GOLGA4: variants seen among roughly 807,000 people sequenced by gnomAD.
GOLGA4 encodes the protein golgin subfamily A member 4.
GOLGA4 carries 169 observed loss-of-function variants against 265.9 expected under a neutral mutation model. The ratio of observed to expected loss-of-function variants is 0.64; its 90% CI spans 0.56 to 0.72. The LOEUF (loss-of-function observed/expected upper bound fraction) is 0.72. Ranked by LOEUF, GOLGA4 falls within the 30% of genes least tolerant of loss-of-function variation. GOLGA4 has a pLI of 0.00. For synonymous variants in GOLGA4, 923 were observed against 855.8 expected (o/e 1.08, Z -1.37); for missense variants, 2,482 against 2,483.4 (o/e 1.00, Z 0.01).
Position 37,298,919 on chromosome 3 carries a change from A to G in GOLGA4, c.901A>G (p.Thr301Ala). ...GAACCTACTTAAGCGTTGTAAGGAAACAATTCAGTCACATAAGGAACAATG... is the reference window on the plus strand; with the variant it reads ...GAACCTACTTAAGCGTTGTAAGGAAGCAATTCAGTCACATAAGGAACAATG... ...QENLLKRCKE[T>A]IQSHKEQCTL... The change falls in exon 8 of 24, where the codon ACA (threonine) becomes GCA (alanine). Residue 301 changes from threonine (T) to alanine (A), a missense_variant. Transcript: ENST00000361924. 2.5e-6 allele frequency: 4 copies of G among 1,613,508 alleles called. No individual in the cohort carries two copies. The highest frequency in any genetic ancestry group is 3.4e-6 in the Non-Finnish European group (4 of 1,179,422).
rs1254579971 is a variant in GOLGA4, at chr3:37,282,166, C to T, written c.371C>T (p.Ala124Val). The T allele has an allele frequency of 6.2e-7, 1 of 1,613,920 alleles. No individual in the cohort carries two copies. The highest frequency in any genetic ancestry group is 8.5e-7 in the Non-Finnish European group (1 of 1,179,866). The change falls in exon 3 of 24, where the codon GCT becomes GTT. Residue 124 changes from alanine to valine, a missense_variant. Ala to Val is a moderately conservative substitution (Grantham distance 64). This residue lies in a region of GOLGA4 where 1,536 missense variants were observed against 1,483.7 expected (regional missense o/e 1.04). Transcript: ENST00000361924. Reference protein sequence around the residue: ...FDPPSDMDSEAEDLVGNSDSL... With the variant: ...FDPPSDMDSEVEDLVGNSDSL... ...CCACCCTCTGATATGGATAGCGAGG[C>T]TGAAGACTTGGTAGGGAATTCAGAC... is the stretch of plus-strand genomic sequence containing the variant.
intron 16 of GOLGA4, among the ~76,000 whole-genome samples, chr3:37,332,519 A>G (rs746006418): frequency 6.6e-6 from 1 of 152,194 alleles, no homozygotes; most frequent in Non-Finnish European, 1.5e-5. Flanking sequence ...AAGAAAAACA[A>G]CAAAAAAAAT....
chr3:37,312,238 C>T (rs1297729165), intron 10 of GOLGA4, among the ~76,000 whole-genome samples: 1 of 152,156 alleles, frequency 6.6e-6, no homozygotes, highest in Non-Finnish European at 1.5e-5. Flanking sequence ...TTCATTCCTC[C>T]AGCGTTTAAA....
intron 21 of GOLGA4, among the ~76,000 whole-genome samples, chr3:37,351,780 AC>A (rs2097075293): frequency 6.6e-6 from 1 of 152,058 alleles, no homozygotes; most frequent in African/African-American, 2.4e-5. Context: ...TATTCAGAAA[AC>A]CATGCTGTTA....
In GOLGA4 at chr3:37,335,266, A is replaced by G. The variant is rs1014063554; in HGVS notation, c.6306+100A>G. The G allele has an allele frequency of 1.4e-5, 9 of 651,212 alleles. No individual in the cohort carries two copies. In the Admixed American group the frequency reaches 2.5e-4, roughly 18 times the overall value. 40.3% of individuals were successfully genotyped at this position (651,212 alleles called of 1,614,324 possible). ...CATACATACATATTTATCTCATTTA[A>G]TCCTAATGAAAACCCTTTGAGATTT... On this transcript the variant is annotated intron_variant, in intron 17 of 23. Transcript: ENST00000361924.
chr3:37,309,078 C>T (rs1304474221), intron 10 of GOLGA4, among the ~76,000 whole-genome samples: 1 of 150,338 alleles, frequency 6.7e-6, no homozygotes, highest in Admixed American at 6.7e-5. Flanking sequence ...ATGGTGAAAC[C>T]CTGTCTCTAC....
At chr3:37,339,849 G>C (rs564211356) in intron 19 of GOLGA4, among the ~76,000 whole-genome samples, 61 of 152,198 alleles carry the variant, frequency 4.0e-4, no homozygotes, top group African/African-American at 1.3e-3. Flanking sequence ...CATTGATAGT[G>C]TCTGTTGATG....
At position 37,302,218 on chromosome 3, in the gene GOLGA4, C is replaced by T; in HGVS notation, c.1120C>T (p.His374Tyr). 1 of 1,613,122 alleles carries T rather than the reference C, an allele frequency of 6.2e-7. No individual in the cohort carries two copies. Among genetic ancestry groups the T allele is most frequent in the Non-Finnish European group, 8.5e-7 (1 of 1,179,202 alleles). The change falls in exon 10 of 24, where the codon CAT becomes TAT. Residue 374 changes from histidine to tyrosine, a missense_variant. Around this residue, in one of 3 missense-constraint regions of GOLGA4, gnomAD observed 1,536 missense variants for 1,483.7 expected, o/e 1.04. Transcript: ENST00000361924. ...AATCGCAGAGACAAAACGTCAGATG[C>T]ATGAAACCCTGGAAATGAAAGAAGA... ...MVIAETKRQMHETLEMKEEEI... is the reference protein window; with the variant it reads ...MVIAETKRQMYETLEMKEEEI...
At position 37,327,054 on chromosome 3, in the gene GOLGA4, A is replaced by G. The variant is rs780698824; in HGVS notation, c.5168A>G (p.Glu1723Gly). 6.2e-7 allele frequency: 1 copy of G among 1,613,958 alleles called. No homozygotes were observed. The highest frequency in any genetic ancestry group is 1.3e-5 in the African/African-American group (1 of 75,044). Reference sequence around the variant, plus strand: ...GTGGCAGCATATACTGAACAAGAAGAAGCAGATTCCCAAGGCTGTGTGCAG... The same window carrying G: ...GTGGCAGCATATACTGAACAAGAAGGAGCAGATTCCCAAGGCTGTGTGCAG... ...KNVAAYTEQE[E>G]ADSQGCVQKT... The change falls in exon 14 of 24, where the codon GAA becomes GGA. Residue 1723 changes from glutamate to glycine, a missense_variant. Glu to Gly is a moderately conservative substitution (Grantham distance 98). This residue lies in a region of GOLGA4 where 942 missense variants were observed against 983.1 expected (regional missense o/e 0.96). Coordinates refer to ENST00000361924, the MANE Select transcript of GOLGA4 (RefSeq NM_002078.5).
rs2096733503 is a variant in GOLGA4, at chr3:37,251,461, G to A, written c.139G>A (p.Asp47Asn). 1 of 1,608,030 alleles carries A rather than the reference G, an allele frequency of 6.2e-7. No individual in the cohort carries two copies. Among genetic ancestry groups the A allele is most frequent in the Non-Finnish European group, 8.5e-7 (1 of 1,174,448 alleles). Residue 47 changes from aspartate (D) to asparagine (N), a missense_variant, in exon 2 of 24, where the codon GAT (aspartate) becomes AAT (asparagine). This residue lies in a region of GOLGA4 where 1,536 missense variants were observed against 1,483.7 expected (regional missense o/e 1.04). Transcript: ENST00000361924. ...GACATCTTCATTTACAGAGCAACTT[G>A]ATGAAGGTACACCCAATAGAGAGGT... Reference protein sequence around the residue: ...SRTSSFTEQLDEGTPNRESGD... With the variant: ...SRTSSFTEQLNEGTPNRESGD...
intron 2 of GOLGA4, among the ~76,000 whole-genome samples, chr3:37,257,539 A>G (rs1161185676): frequency 6.6e-6 from 1 of 152,034 alleles, no homozygotes; most frequent in African/African-American, 2.4e-5. Context: ...CCTTGCACGT[A>G]GTAGGTGCTA....
intron 4 of GOLGA4, among the ~76,000 whole-genome samples, chr3:37,286,281 G>A (rs2096849068): frequency 6.7e-6 from 1 of 149,518 alleles, no homozygotes; most frequent in Non-Finnish European, 1.5e-5. Context: ...AGCCTCCCGA[G>A]TAGCTGGGAC....
At chr3:37,250,503 G>A (rs2096730928) in intron 1 of GOLGA4, 1 of 152,152 alleles carries the variant, frequency 6.6e-6, no homozygotes, top group Non-Finnish European at 1.5e-5. Flanking sequence ...ACAGCAGTTT[G>A]TGCACGGATA....
intron 11 of GOLGA4, among the ~76,000 whole-genome samples, 198 bp downstream of exon 11, chr3:37,315,796 T>G (rs956866443): frequency 6.6e-6 from 1 of 152,250 alleles, no homozygotes; most frequent in Non-Finnish European, 1.5e-5. Context: ...TAAGCTTTGC[T>G]TTCTCTCCAG....
chr3:37,247,465 A>G (rs1023312536), intron 1 of GOLGA4, among the ~76,000 whole-genome samples: 1 of 152,220 alleles, frequency 6.6e-6, no homozygotes, highest in Non-Finnish European at 1.5e-5. Context: ...GCATTTCTGG[A>G]GAAGATCAGG....
At position 37,243,629 on chromosome 3, in the gene GOLGA4, T is replaced by C. The variant is rs748119210; in HGVS notation, c.72+7T>C. On this transcript the variant is annotated splice_region_variant and intron_variant, in intron 1 of 23. Transcript: ENST00000361924. ...GGCGCTGGCTCCTGCTCAGGTACGA[T>C]GGCCGCCGCTCTCCTCCCCTGGTTC... 60 of 1,607,776 alleles carry C rather than the reference T, an allele frequency of 3.7e-5. No homozygotes were observed. The highest frequency in any genetic ancestry group is 4.8e-5 in the Non-Finnish European group (57 of 1,176,162).
intron 2 of GOLGA4, among the ~76,000 whole-genome samples, chr3:37,279,678 C>T (rs922484885): frequency 1.3e-5 from 2 of 152,056 alleles, no homozygotes; most frequent in African/African-American, 4.8e-5. Context: ...AGGCTGAGGT[C>T]GGCAGATCAC....
At chr3:37,346,148 T>C (rs1004997374) in intron 20 of GOLGA4, among the ~76,000 whole-genome samples, 1 of 152,116 alleles carries the variant, frequency 6.6e-6, no homozygotes, top group Non-Finnish European at 1.5e-5. Flanking sequence ...TTTGAGTGAG[T>C]TGAGTCTTCT....
intron 9 of GOLGA4, among the ~76,000 whole-genome samples, chr3:37,300,298 C>G (rs2096889284): frequency 6.6e-6 from 1 of 152,092 alleles, no homozygotes; most frequent in African/African-American, 2.4e-5. Context: ...TAAGCAGCTC[C>G]CAGTTTGTTC....
Sources: gnomAD v4.1 joint callset for allele counts (sites outside exome capture counted in the v4.1 genomes callset) on GRCh38, gnomAD v4.1.1 for gene constraint, gnomAD v4.1.1 regional missense constraint, MANE v1.5 for transcripts, NCBI Gene and HGNC (gene_info 2026-07-23, HGNC 2026-07-21) for gene names.